CABLES1: variants seen among roughly 807,000 people sequenced by gnomAD.
The protein encoded by CABLES1 is Cdk5 and Abl enzyme substrate 1, also known as CDK5 and ABL1 enzyme substrate 1.
In CABLES1, 36 loss-of-function variants were observed where a neutral mutation model predicts 57.8. The ratio of observed to expected loss-of-function variants is 0.62; its 90% CI spans 0.48 to 0.82. The LOEUF is 0.82. Among genes scored for constraint, CABLES1 ranks in the 40% least tolerant of loss-of-function variants. The probability of loss-of-function intolerance (pLI) is 0.00; values close to 1 mark genes in which losing one functional copy is unlikely to be tolerated. For missense variants in CABLES1, 767 were observed against 836.6 expected (o/e 0.92, Z 1.03); for synonymous variants, 374 against 363.0 (o/e 1.03, Z -0.35).
At position 23,164,632 on chromosome 18, in the gene CABLES1, G is replaced by C. The variant is rs2047028400; in HGVS notation, c.846-24206G>C. ...ATGCATCTGCAAATCAAATTGAGCAGAGAGTACAGACCACCACACTAAAGC... is the reference window on the plus strand; with the variant it reads ...ATGCATCTGCAAATCAAATTGAGCACAGAGTACAGACCACCACACTAAAGC... On this transcript the variant is annotated intron_variant, in intron 1 of 9. Coordinates refer to ENST00000256925, the MANE Select transcript of CABLES1 (RefSeq NM_001100619.3). 3.3e-5 allele frequency among the ~76,000 whole-genome samples: 5 copies of C among 151,438 alleles called. 1 individual carries two copies. In the South Asian group the frequency reaches 6.3e-4, roughly 19 times the overall value.
intron 2 of CABLES1, chr18:23,190,482 G>T: frequency 6.6e-6 from 1 of 152,406 alleles, no homozygotes. Context: ...GCCTCGGGAT[G>T]CAGTGTCCTT....
chr18:23,213,943 GTGTT>G, intron 3 of CABLES1, 30 bp from the exon 4 acceptor site: 1 of 1,384,472 alleles, frequency 7.2e-7, no homozygotes, highest in Non-Finnish European at 1.0e-6. Context: ...TGCATTTAGT[GTGTT>G]TGTTGTTTGT....
At chr18:23,241,172 C>T (rs571239715) in intron 7 of CABLES1, among the ~76,000 whole-genome samples, 1 of 152,294 alleles carries the variant, frequency 6.6e-6, no homozygotes, top group South Asian at 2.1e-4. Flanking sequence ...TTCCTTCATA[C>T]AACTTAACAT....
intron 7 of CABLES1, among the ~76,000 whole-genome samples, chr18:23,251,156 A>G (rs2048027274): frequency 6.6e-6 from 1 of 152,198 alleles, no homozygotes; most frequent in Non-Finnish European, 1.5e-5. Flanking sequence ...TGACTGATTA[A>G]GATTATGGCA....
chr18:23,244,244 G>C (rs1419182663), intron 7 of CABLES1, among the ~76,000 whole-genome samples: 1 of 152,206 alleles, frequency 6.6e-6, no homozygotes, highest in Non-Finnish European at 1.5e-5. Context: ...CAGATAAATA[G>C]TTGACAAATA....
rs536409047 is a variant in CABLES1 at position 23,195,818 on chromosome 18, T to C, written c.1010+1278T>C. On this transcript the variant is annotated intron_variant, in intron 3 of 9. Coordinates refer to ENST00000256925, the MANE Select transcript of CABLES1 (RefSeq NM_001100619.3). ...ATTGTGCTTTATTTAACCATTGCTA[T>C]TGTTTTCTTTTGAGGCTTTTACTTA... Among the ~76,000 whole-genome samples the C allele has an allele frequency of 2.2e-4, 34 of 152,362 alleles. 1 individual carries two copies. In the South Asian group the frequency reaches 6.8e-3, roughly 31 times the overall value.
rs764951061 is a variant in CABLES1, at chr18:23,257,265, G to A, written c.1800G>A (p.Leu600=). ...AGTTCCGGCTGAACAGGCGAGAACT[G>A]ATTGCCTTTGAATTCCCGGTGTTAG... ...EEKFRLNRRE[L]IAFEFPVLVA... The change falls in exon 10 of 10, where the codon CTG becomes CTA. Residue 600 remains leucine (L), a synonymous_variant. Transcript: ENST00000256925. 5.6e-6 allele frequency: 9 copies of A among 1,612,820 alleles called. No individual in the cohort carries two copies. In the East Asian group the frequency reaches 2.0e-4, roughly 36 times the overall value.
chr18:23,191,047 C>T (rs11872860), intron 2 of CABLES1, among the ~76,000 whole-genome samples: 425 of 138,524 alleles, frequency 3.1e-3, no homozygotes, highest in African/African-American at 0.011. Context: ...AGTTTGAGAT[C>T]ATCCTGGGCA....
At chr18:23,242,673 T>C (rs2047765611) in intron 7 of CABLES1, among the ~76,000 whole-genome samples, 1 of 152,030 alleles carries the variant, frequency 6.6e-6, no homozygotes, top group Admixed American at 6.6e-5. Context: ...AAGAAATCCC[T>C]CTTGCACTGT....
intron 7 of CABLES1, among the ~76,000 whole-genome samples, chr18:23,237,995 G>A (rs1331918042): frequency 6.6e-6 from 1 of 151,842 alleles, no homozygotes; most frequent in East Asian, 1.9e-4. Context: ...AGCATCAGGT[G>A]GGAGACATCC....
chr18:23,191,591 AC>A (rs1397843902), intron 2 of CABLES1, among the ~76,000 whole-genome samples: 1 of 152,230 alleles, frequency 6.6e-6, no homozygotes, highest in Non-Finnish European at 1.5e-5. Context: ...TAGCAGAAGA[AC>A]AAATGGCTCC....
chr18:23,208,022 T>C (rs116442526), intron 3 of CABLES1, among the ~76,000 whole-genome samples: 2,575 of 152,292 alleles, frequency 0.017, 62 homozygotes, highest in African/African-American at 0.054. Flanking sequence ...CTCCACACTT[T>C]ACAGGGTTAA....
intron 2 of CABLES1, among the ~76,000 whole-genome samples, chr18:23,189,940 G>A (rs1442822670): frequency 6.6e-6 from 1 of 152,228 alleles, no homozygotes; most frequent in Non-Finnish European, 1.5e-5. Flanking sequence ...CGGCAACTGT[G>A]AACTTTGTCA....
intron 1 of CABLES1, among the ~76,000 whole-genome samples, chr18:23,169,014 A>G (rs2047063044): frequency 6.6e-6 from 1 of 152,240 alleles, no homozygotes; most frequent in South Asian, 2.1e-4. Flanking sequence ...CACAGGTCAG[A>G]AAGACCTTGC....
intron 6 of CABLES1, 149 bp downstream of exon 6, chr18:23,236,200 A>T: frequency 1.2e-6 from 1 of 833,632 alleles, no homozygotes; most frequent in Non-Finnish European, 1.8e-6. Flanking sequence ...CAAGCCATGC[A>T]GGCCCGCAAT....
At position 23,136,491 on chromosome 18, in the gene CABLES1, C is replaced by T. The variant is rs775117862; in HGVS notation, c.729C>T (p.Phe243=). ...GSGSRGRLNS[F]TQGILPIAFS... The stretch of plus-strand genomic sequence containing the variant: ...GCAGTCGGGGACGCCTCAACTCGTT[C>T]ACTCAGGGAATCCTGCCCATCGCCT... Residue 243 remains phenylalanine (F), a synonymous_variant, in exon 1 of 10, where the codon TTC becomes TTT. Transcript: ENST00000256925. 63 of 1,602,082 alleles carry T rather than the reference C, an allele frequency of 3.9e-5. No homozygotes were observed. The highest frequency in any genetic ancestry group is 4.6e-5 in the Non-Finnish European group (54 of 1,177,644).
At chr18:23,167,826 A>G (rs2047054176) in intron 1 of CABLES1, among the ~76,000 whole-genome samples, 1 of 152,020 alleles carries the variant, frequency 6.6e-6, no homozygotes, top group African/African-American at 2.4e-5. Flanking sequence ...GCTCTGCCTC[A>G]TTGGAGGGAA....
chr18:23,191,080 CAAAAAAAA>C (rs10636287), intron 2 of CABLES1, among the ~76,000 whole-genome samples: 51 of 63,594 alleles, frequency 8.0e-4, no homozygotes, highest in African/African-American at 2.0e-3. Flanking sequence ...CCCATCTCTA[CAAAAAAAA>C]AAAAAAAAAA....
intron 3 of CABLES1, among the ~76,000 whole-genome samples, chr18:23,205,293 A>C (rs2047355369): frequency 6.8e-6 from 1 of 146,318 alleles, no homozygotes; most frequent in South Asian, 2.1e-4. Flanking sequence ...TCCTGGGTTC[A>C]AGTGATTCTC....
Sources: allele counts gnomAD v4.1 joint callset (sites outside exome capture counted in the v4.1 genomes callset), GRCh38; gene constraint gnomAD v4.1.1; transcripts MANE v1.5; gene names NCBI Gene and HGNC (gene_info 2026-07-23, HGNC 2026-07-21).